The following CACNA1C variants were observed in gnomAD, a reference collection of about 807,000 sequenced individuals.
The protein encoded by CACNA1C is voltage-dependent L-type calcium channel subunit alpha-1C.
In CACNA1C, 30 loss-of-function variants were observed where a neutral mutation model predicts 229.0. The observed-to-expected ratio is 0.13, with a 90% CI of 0.10 to 0.18. CACNA1C has a LOEUF of 0.18. CACNA1C is among the 10% of genes least tolerant of loss of function. The probability of loss-of-function intolerance (pLI) is 1.00; values close to 1 mark genes in which losing one functional copy is unlikely to be tolerated. For synonymous variants in CACNA1C, 1,114 were observed against 1,132.5 expected (o/e 0.98, Z 0.33); for missense variants, 1,658 against 2,845.0 (o/e 0.58, Z 9.49).
In CACNA1C at chr12:2,608,924, T is replaced by C. The variant is rs930748393; in HGVS notation, c.3558+212T>C. Among the ~76,000 whole-genome samples, 2 of 152,228 alleles carry C rather than the reference T, an allele frequency of 1.3e-5. No homozygotes were observed. Among genetic ancestry groups the C allele is most frequent in the African/African-American group, 4.8e-5 (2 of 41,460 alleles). Reference sequence around the variant, plus strand: ...CAAACCCCAGATCTGGCAAATGTACTCAGCCAACAAATATCTATGAAGCTT... The same window carrying C: ...CAAACCCCAGATCTGGCAAATGTACCCAGCCAACAAATATCTATGAAGCTT... On this transcript the variant is annotated intron_variant, in intron 27 of 46. Coordinates refer to ENST00000399655, the MANE Select transcript of CACNA1C (RefSeq NM_000719.7). The surrounding 1 kb of genome is among the most constrained non-coding windows in gnomAD (Gnocchi z 4.2).
intron 1 of CACNA1C, among the ~76,000 whole-genome samples, chr12:2,031,859 A>G (rs1439512901): frequency 6.6e-6 from 1 of 152,212 alleles, no homozygotes; most frequent in Non-Finnish European, 1.5e-5. Context: ...CAACAGTGGC[A>G]GGATCTCAGG....
chr12:2,161,420 G>A lies in CACNA1C; in HGVS notation c.477+40990G>A, dbSNP rs532934811. Among the ~76,000 whole-genome samples, 79 of 152,286 alleles carry A rather than the reference G, an allele frequency of 5.2e-4. 1 individual carries two copies. The highest frequency in any genetic ancestry group is 8.5e-4 in the Admixed American group (13 of 15,300). ...GTGTGAGGCTCTAAACGCCAGCTTG[G>A]TCGGCCCACTTTGTCATTTTGCTGA... On this transcript the variant is annotated intron_variant, in intron 3 of 46. Transcript: ENST00000399655.
intron 15 of CACNA1C, 22 bp from the exon 16 acceptor site, chr12:2,584,481 C>T: frequency 6.3e-7 from 1 of 1,584,290 alleles, no homozygotes; most frequent in Non-Finnish European, 8.7e-7. Flanking sequence ...GGGTCATTTT[C>T]TTTAAGAATG....
intron 34 of CACNA1C, among the ~76,000 whole-genome samples, chr12:2,661,789 C>G (rs956902424): frequency 7.9e-5 from 12 of 152,126 alleles, no homozygotes; most frequent in African/African-American, 2.9e-4. Context: ...ACTAAAAACC[C>G]TTTAGGACAA....
rs138526158 is a variant in CACNA1C at position 2,490,426 on chromosome 12, GAGAAAAAGATGCA to G, written c.917-2748_917-2736del. On this transcript the variant is annotated intron_variant, in intron 6 of 46. Transcript: ENST00000399655. The stretch of plus-strand genomic sequence containing the variant: ...TTTATTCTGCGAAAAAGCAAAACAT[GAGAAAAAGATGCA>G]AGAAAAAGATGCAAGCTTCCCCTTC... Among the ~76,000 whole-genome samples, 404 of 152,330 alleles carry G rather than the reference GAGAAAAAGATGCA, an allele frequency of 2.7e-3. 1 individual carries two copies. Among genetic ancestry groups the G allele is most frequent in the African/African-American group, 8.3e-3 (347 of 41,570 alleles).
chr12:2,382,525 T>G (rs2098272635), intron 3 of CACNA1C, among the ~76,000 whole-genome samples: 1 of 152,198 alleles, frequency 6.6e-6, no homozygotes, highest in African/African-American at 2.4e-5. Flanking sequence ...GCTTACAGAC[T>G]TCTCTAAATT....
rs1193604631 is a variant in CACNA1C at position 2,410,131 on chromosome 12, G to A, written c.478-38845G>A. Among the ~76,000 whole-genome samples, 1 of 152,212 alleles carries A rather than the reference G, an allele frequency of 6.6e-6. No homozygotes were observed. The highest frequency in any genetic ancestry group is 2.4e-5 in the African/African-American group (1 of 41,456). On this transcript the variant is annotated intron_variant, in intron 3 of 46. Transcript: ENST00000399655. The surrounding 1 kb of genome is among the most constrained non-coding windows in gnomAD (Gnocchi z 5.3). ...TGGGTTGCTTTTAGCTGTCAGCCTT[G>A]GATGGTGGGCTCATGCATTCTGTTC...
intron 29 of CACNA1C, among the ~76,000 whole-genome samples, chr12:2,616,544 C>G (rs1429292480): frequency 6.6e-6 from 1 of 152,240 alleles, no homozygotes; most frequent in Non-Finnish European, 1.5e-5. Flanking sequence ...CAGTCCTGAG[C>G]TGGCCCTAAG....
chr12:2,626,313 A>G (rs1196456494), intron 29 of CACNA1C, among the ~76,000 whole-genome samples: 1 of 152,140 alleles, frequency 6.6e-6, no homozygotes, highest in Non-Finnish European at 1.5e-5. Flanking sequence ...GCTTTCTGAG[A>G]GTGCTGAGCA....
At chr12:2,545,390 A>G (rs1373113965) in intron 9 of CACNA1C, among the ~76,000 whole-genome samples, 1 of 151,968 alleles carries the variant, frequency 6.6e-6, no homozygotes, top group Non-Finnish European at 1.5e-5. Flanking sequence ...GTCATCGTCA[A>G]CTTCCCATGG....
At chr12:1,983,093 C>T (rs1030711158) in intron 1 of CACNA1C, among the ~76,000 whole-genome samples, 4 of 149,732 alleles carry the variant, frequency 2.7e-5, no homozygotes, top group Non-Finnish European at 5.9e-5. Context: ...GATAGCCTTT[C>T]TTTCATTTCT....
At chr12:2,452,326 C>T (rs1024733666) in intron 4 of CACNA1C, among the ~76,000 whole-genome samples, 3 of 152,134 alleles carry the variant, frequency 2.0e-5, no homozygotes, top group Non-Finnish European at 2.9e-5. Flanking sequence ...CTCAGATCCA[C>T]GTGCCCCTAC....
chr12:2,175,338 A>G lies in CACNA1C; in HGVS notation c.477+54908A>G, dbSNP rs1272678426. Among the ~76,000 whole-genome samples, 6 of 152,048 alleles carry G rather than the reference A, an allele frequency of 3.9e-5. No homozygotes were observed. The South Asian group carries it at 6.2e-4, about 16-fold the overall frequency. ...ATGATTGTTCCCCCTCCCATTTTGC[A>G]TGTCATTTGTTTGTTGAAGAAACTA... On this transcript the variant is annotated intron_variant, in intron 3 of 46. Coordinates refer to ENST00000399655, the MANE Select transcript of CACNA1C (RefSeq NM_000719.7).
In CACNA1C at chr12:2,694,882, C is replaced by T. The variant is rs2097825782; in HGVS notation, c.*3683C>T. 1 of 152,198 alleles carries T rather than the reference C, an allele frequency of 6.6e-6. No individual in the cohort carries two copies. Among genetic ancestry groups the T allele is most frequent in the Non-Finnish European group, 1.5e-5 (1 of 68,050 alleles). 9.4% of individuals were successfully genotyped at this position (152,198 alleles called of 1,614,324 possible). On this transcript the variant is annotated 3_prime_UTR_variant, in exon 47 of 47. Transcript: ENST00000399655. ...CACTCCTAAAGGCAAAGAAAGAAAA[C>T]ACGAATGTAGGTCAGGGATAGAGTG...
At position 2,512,233 on chromosome 12, in the gene CACNA1C, A is replaced by G. The variant is rs2099785938; in HGVS notation, c.1218-579A>G. Among the ~76,000 whole-genome samples the G allele has an allele frequency of 6.6e-6, 1 of 152,164 alleles. No individual in the cohort carries two copies. The highest frequency in any genetic ancestry group is 2.4e-5 in the African/African-American group (1 of 41,438). On this transcript the variant is annotated intron_variant, in intron 8 of 46. Coordinates refer to ENST00000399655, the MANE Select transcript of CACNA1C (RefSeq NM_000719.7). The surrounding 1 kb of genome is among the most constrained non-coding windows in gnomAD (Gnocchi z 4.3). ...CAGTTACCATGGTGTAAATATTCCC[A>G]CTGTGGCCGATCTCAAGCTACCAGC...
intron 34 of CACNA1C, among the ~76,000 whole-genome samples, chr12:2,661,589 T>C (rs1389508551): frequency 6.6e-6 from 1 of 152,184 alleles, no homozygotes; most frequent in Non-Finnish European, 1.5e-5. Flanking sequence ...ATCATTCCAA[T>C]GTTATATAAA....
At position 2,585,795 on chromosome 12, in the gene CACNA1C, A is replaced by G; in HGVS notation, c.2461-40A>G. ...TGCAAGCCTCTTAACTTGGGGACGT[A>G]TCTAACTATTCTTCCCCCTTCTCCC... On this transcript the variant is annotated intron_variant, in intron 17 of 46. Transcript: ENST00000399655. This position sits in a 1 kb window ranked among gnomAD's most constrained non-coding sequence, Gnocchi z 4.1. 2.7e-6 allele frequency: 4 copies of G among 1,456,892 alleles called. No homozygotes were observed. The highest frequency in any genetic ancestry group is 3.8e-6 in the Non-Finnish European group (4 of 1,047,072). 90.2% of individuals were successfully genotyped at this position (1,456,892 alleles called of 1,614,324 possible).
intron 30 of CACNA1C, among the ~76,000 whole-genome samples, chr12:2,644,712 G>A (rs907577603): frequency 9.2e-5 from 14 of 152,066 alleles, no homozygotes; most frequent in Non-Finnish European, 2.1e-4. Flanking sequence ...ATGAAAATAA[G>A]TGCATAGTGA....
chr12:2,106,411 C>G (rs1167645063), intron 1 of CACNA1C, among the ~76,000 whole-genome samples: 18 of 74,642 alleles, frequency 2.4e-4, no homozygotes, highest in African/African-American at 8.1e-4. Context: ...GCTGGGCGTC[C>G]TGAAGCCACT....
Sources: allele counts gnomAD v4.1 joint callset (sites outside exome capture counted in the v4.1 genomes callset), GRCh38; gene constraint gnomAD v4.1.1; non-coding constraint Gnocchi (gnomAD v3.1); transcripts MANE v1.5; gene names NCBI Gene and HGNC (gene_info 2026-07-23, HGNC 2026-07-21).